SYN3: variants seen among roughly 807,000 people sequenced by gnomAD.
SYN3 encodes the protein synapsin-3.
In SYN3, 35 loss-of-function variants were observed where a neutral mutation model predicts 65.8. The ratio of observed to expected loss-of-function variants is 0.53; its 90% CI spans 0.41 to 0.70. SYN3 has a LOEUF of 0.70. Ranked by LOEUF, SYN3 falls within the 30% of genes least tolerant of loss-of-function variation. SYN3 has a pLI of 0.00. For missense variants in SYN3, 680 were observed against 749.0 expected, an observed-to-expected ratio of 0.91 and a Z score of 1.08; for synonymous variants, 270 against 292.9, an observed-to-expected ratio of 0.92 and a Z score of 0.80.
At chr22:32,750,450 C>T (rs777510380) in intron 6 of SYN3, among the ~76,000 whole-genome samples, 3 of 152,152 alleles carry the variant, frequency 2.0e-5, no homozygotes, top group Non-Finnish European at 4.4e-5. Flanking sequence ...ATTGCCTAAA[C>T]CCCTTCTGCA....
chr22:32,982,795 C>G (rs2052408774), intron 2 of SYN3, among the ~76,000 whole-genome samples: 1 of 152,150 alleles, frequency 6.6e-6, no homozygotes, highest in Admixed American at 6.5e-5. Context: ...TGAGTATCAA[C>G]TCTTGTGCTA....
chr22:32,877,288 C>T (rs2049009325), intron 4 of SYN3, among the ~76,000 whole-genome samples: 1 of 152,210 alleles, frequency 6.6e-6, no homozygotes, highest in Non-Finnish European at 1.5e-5. Context: ...TTCAGGCCCT[C>T]TGTATAACTT....
intron 1 of SYN3, among the ~76,000 whole-genome samples, chr22:33,039,636 C>T (rs1259396399): frequency 1.3e-5 from 2 of 151,920 alleles, no homozygotes; most frequent in African/African-American, 4.8e-5. Flanking sequence ...CCTCATGTGA[C>T]CTCATGTGAT....
At chr22:32,827,320 C>A (rs1277450273) in intron 6 of SYN3, among the ~76,000 whole-genome samples, 1 of 152,250 alleles carries the variant, frequency 6.6e-6, no homozygotes, top group Non-Finnish European at 1.5e-5. Context: ...TATGTGAATT[C>A]ATTTGGGCCT....
intron 6 of SYN3, among the ~76,000 whole-genome samples, chr22:32,786,865 T>C (rs2046206575): frequency 6.6e-6 from 1 of 151,674 alleles, no homozygotes; most frequent in African/African-American, 2.4e-5. Flanking sequence ...AGGGCACAGG[T>C]CCTGCTTGGC....
intron 6 of SYN3, among the ~76,000 whole-genome samples, chr22:32,806,735 A>C (rs981923351): frequency 1.4e-4 from 22 of 152,214 alleles, no homozygotes; most frequent in Admixed American, 7.2e-4. Flanking sequence ...ATGTCCATGT[A>C]TGTATCTCTC....
chr22:32,604,861 C>T (rs1364415681), intron 6 of SYN3, among the ~76,000 whole-genome samples: 2 of 151,842 alleles, frequency 1.3e-5, no homozygotes, highest in Non-Finnish European at 2.9e-5. Flanking sequence ...AAAAAATTAG[C>T]CGGGCGTGGT....
At chr22:32,908,769 C>G (rs1239753276) in intron 4 of SYN3, among the ~76,000 whole-genome samples, 5 of 152,130 alleles carry the variant, frequency 3.3e-5, no homozygotes, top group Non-Finnish European at 7.3e-5. Context: ...CCTCTAGGGT[C>G]AAGGGCTAAG....
chr22:32,909,740 G>A (rs909499964), intron 4 of SYN3, among the ~76,000 whole-genome samples: 1 of 150,446 alleles, frequency 6.6e-6, no homozygotes, highest in African/African-American at 2.4e-5. Context: ...TTAACACTAT[G>A]AACCTGTCAG....
At chr22:32,879,504 T>C (rs908260288) in intron 4 of SYN3, among the ~76,000 whole-genome samples, 6 of 152,182 alleles carry the variant, frequency 3.9e-5, no homozygotes, top group Non-Finnish European at 8.8e-5. Context: ...CACATTCTCA[T>C]TGCGTCCTCA....
At chr22:32,752,210 A>T (rs1331100103) in intron 6 of SYN3, among the ~76,000 whole-genome samples, 3 of 152,226 alleles carry the variant, frequency 2.0e-5, no homozygotes, top group Non-Finnish European at 4.4e-5. Flanking sequence ...AACAGCAGCC[A>T]TCCTTTATTA....
Position 32,912,178 on chromosome 22 carries a change from T to C in SYN3, c.461+19212A>G, listed in dbSNP as rs191231035. On this transcript the variant is annotated intron_variant, in intron 4 of 13. Transcript: ENST00000358763. Reference sequence around the variant, plus strand: ...CCTCCACTGACTCAGTAAAGACTGATAGTTGCCCGCAGAGCTTTGGGCACG... The same window carrying C: ...CCTCCACTGACTCAGTAAAGACTGACAGTTGCCCGCAGAGCTTTGGGCACG... Among the ~76,000 whole-genome samples the C allele has an allele frequency of 1.4e-3, 218 of 152,300 alleles. 3 individuals carry two copies. In the South Asian group the frequency reaches 0.019, roughly 13 times the overall value.
chr22:32,509,232 C>T lies in SYN3; in HGVS notation c.*4460G>A, dbSNP rs1336902059. On this transcript the variant is annotated 3_prime_UTR_variant, in exon 14 of 14. Coordinates refer to ENST00000358763, the MANE Select transcript of SYN3 (RefSeq NM_003490.4). Reference sequence around the variant, plus strand: ...GTCCGCTAAGGCTGCGTTTTTAAATCCCTGTTCATTGTGAACAAATCAAAT... The same window carrying T: ...GTCCGCTAAGGCTGCGTTTTTAAATTCCTGTTCATTGTGAACAAATCAAAT... Among the ~76,000 whole-genome samples, 5 of 152,288 alleles carry T rather than the reference C, an allele frequency of 3.3e-5. No homozygotes were observed. The East Asian group carries it at 7.7e-4, about 24-fold the overall frequency.
At chr22:32,973,795 T>C (rs1329333348) in intron 3 of SYN3, among the ~76,000 whole-genome samples, 1 of 152,184 alleles carries the variant, frequency 6.6e-6, no homozygotes. Flanking sequence ...AGTACCCATC[T>C]TTTGTTAGTT....
At chr22:32,740,558 G>C (rs549847814) in intron 6 of SYN3, among the ~76,000 whole-genome samples, 1 of 152,318 alleles carries the variant, frequency 6.6e-6, no homozygotes, top group South Asian at 2.1e-4. Flanking sequence ...AAAAACAGGT[G>C]AGACGCAGAG....
rs188995325 is a variant in SYN3, at chr22:32,927,534, G to A, written c.461+3856C>T. 6.8e-4 allele frequency among the ~76,000 whole-genome samples: 103 copies of A among 152,172 alleles called. 2 individuals are homozygous for A. The highest frequency in any genetic ancestry group is 2.3e-3 in the African/African-American group (95 of 41,510). On this transcript the variant is annotated intron_variant, in intron 4 of 13. Coordinates refer to ENST00000358763, the MANE Select transcript of SYN3 (RefSeq NM_003490.4). ...AAAGTGCTGGGATTTACAGGCGTGA[G>A]CCACCACACCTGGCCATGTTTACTT...
At chr22:32,834,987 A>G (rs751385806) in intron 6 of SYN3, among the ~76,000 whole-genome samples, 1 of 152,202 alleles carries the variant, frequency 6.6e-6, no homozygotes, top group Non-Finnish European at 1.5e-5. Flanking sequence ...GTCCTCAGCC[A>G]TGTGACCTCC....
rs945139326 is a variant in SYN3, at chr22:32,857,880, G to C, written c.711+7035C>G. ...GTCCATTTTAAAAGGTGTTGGGTAG[G>C]GTGAAATAAAATCATGGGTCTGAAA... On this transcript the variant is annotated intron_variant, in intron 6 of 13. Transcript: ENST00000358763. 3.7e-5 allele frequency: 49 copies of C among 1,309,976 alleles called. No homozygotes were observed. The African/African-American group carries it at 6.6e-4, about 18-fold the overall frequency. 81.1% of individuals were successfully genotyped at this position (1,309,976 alleles called of 1,614,324 possible).
chr22:32,762,188 T>C (rs1490416095), intron 6 of SYN3, among the ~76,000 whole-genome samples: 1 of 152,226 alleles, frequency 6.6e-6, no homozygotes, highest in Non-Finnish European at 1.5e-5. Context: ...TCCCTGTCCA[T>C]ACATCCTTCC....
Sources: gnomAD v4.1 joint callset for allele counts (sites outside exome capture counted in the v4.1 genomes callset) on GRCh38, gnomAD v4.1.1 for gene constraint, MANE v1.5 for transcripts, NCBI Gene and HGNC (gene_info 2026-07-23, HGNC 2026-07-21) for gene names.